Variants in HSDL1 observed in about 807,000 individuals in gnomAD.
HSDL1 encodes hydroxysteroid dehydrogenase like 1.
A neutral mutation model predicts 31.5 loss-of-function variants in HSDL1; 29 were observed. The observed-to-expected ratio is 0.92, with a 90% confidence interval of 0.69 to 1.26. The LOEUF is 1.26. Ranked by LOEUF, HSDL1 falls within the 50% of genes most tolerant of loss-of-function variation. The probability of loss-of-function intolerance (pLI) is 0.00; values close to 1 mark genes in which losing one functional copy is unlikely to be tolerated. For missense variants in HSDL1, 503 were observed against 416.6 expected, an observed-to-expected ratio of 1.21 and a Z score of -1.81; for synonymous variants, 222 against 155.2, an observed-to-expected ratio of 1.43 and a Z score of -3.20.
chr16:84,130,154 G>T lies in HSDL1; in HGVS notation c.498C>A (p.Ser166=), dbSNP rs758933678. The T allele has an allele frequency of 6.2e-7, 1 of 1,614,106 alleles. No homozygotes were observed. The highest frequency in any genetic ancestry group is 1.7e-5 in the Admixed American group (1 of 60,014). Residue 166 remains serine, a synonymous_variant, in exon 4 of 6, where the codon TCC becomes TCA. Coordinates refer to ENST00000219439, the MANE Select transcript of HSDL1 (RefSeq NM_031463.5). The part of the protein sequence containing the change: ...YPYPQYFTQL[S]EDKLWDIINV... Reference sequence around the variant, plus strand: ...TTATGATGTCCCAGAGCTTGTCCTCGGACAGCTGAGTGAAATACTGCGGGT... The same window carrying T: ...TTATGATGTCCCAGAGCTTGTCCTCTGACAGCTGAGTGAAATACTGCGGGT...
chr16:84,128,473 A>C (rs2086630330), intron 5 of HSDL1, among the ~76,000 whole-genome samples: 1 of 152,174 alleles, frequency 6.6e-6, no homozygotes, highest in Non-Finnish European at 1.5e-5. Flanking sequence ...CCTAAACAAT[A>C]AGCTTAAAAT....
intron 3 of HSDL1, among the ~76,000 whole-genome samples, chr16:84,130,734 T>C (rs1015546067): frequency 6.6e-6 from 1 of 151,768 alleles, no homozygotes; most frequent in East Asian, 1.9e-4. Flanking sequence ...TGGCAGGAGG[T>C]GCTTTTCTGG....
At position 84,129,991 on chromosome 16, in the gene HSDL1, A is replaced by C. The variant is rs1462707290; in HGVS notation, c.661T>G (p.Ser221Ala). 6.2e-7 allele frequency: 1 copy of C among 1,612,556 alleles called. No individual in the cohort carries two copies. ...TCCAGTAAGTAACATCTGACCTTAG[A>C]AGCAGAAAATGCAGCCAGCTGAGGA... is the stretch of plus-strand genomic sequence containing the variant. ...PTPQLAAFSA[S>A]KAYLDHFSRA... Residue 221 changes from serine (S) to alanine (A), a missense_variant, in exon 4 of 6, where the codon TCT becomes GCT. Transcript: ENST00000219439.
At chr16:84,139,660 G>A (rs2086747031) in intron 1 of HSDL1, among the ~76,000 whole-genome samples, 1 of 152,180 alleles carries the variant, frequency 6.6e-6, no homozygotes, top group African/African-American at 2.4e-5. Context: ...ACAGTGGGAG[G>A]AAGGGATGGA....
intron 1 of HSDL1, among the ~76,000 whole-genome samples, chr16:84,136,907 T>C (rs1412634292): frequency 1.3e-5 from 2 of 152,122 alleles, no homozygotes; most frequent in African/African-American, 4.8e-5. Flanking sequence ...GAAATCTGAC[T>C]CACATCCACA....
intron 5 of HSDL1, among the ~76,000 whole-genome samples, chr16:84,125,413 T>C (rs2086596382): frequency 7.1e-6 from 1 of 140,750 alleles, no homozygotes; most frequent in South Asian, 2.2e-4. Flanking sequence ...CCAATCACAT[T>C]ACCCACCAAT....
At chr16:84,142,592 T>A (rs2086778547) in intron 1 of HSDL1, among the ~76,000 whole-genome samples, 12 of 151,994 alleles carry the variant, frequency 7.9e-5, no homozygotes, top group Admixed American at 7.2e-4. Flanking sequence ...TGTGCCACCA[T>A]GCCTGGCTAA....
chr16:84,123,512 T>C lies in HSDL1; in HGVS notation c.*1118A>G, dbSNP rs1202675584. On this transcript the variant is annotated 3_prime_UTR_variant, in exon 6 of 6. Coordinates refer to ENST00000219439, the MANE Select transcript of HSDL1 (RefSeq NM_031463.5). ...CGTATTGTGAGGGTTTGTGCATAAT[T>C]ATCTTCACACCAGTAAAGGTATTCA... 3.3e-5 allele frequency: 5 copies of C among 152,238 alleles called. No homozygotes were observed. Among genetic ancestry groups the C allele is most frequent in the African/African-American group, 1.2e-4 (5 of 41,450 alleles). 9.4% of individuals were successfully genotyped at this position (152,238 alleles called of 1,614,324 possible).
chr16:84,143,952 T>C (rs888422501), intron 1 of HSDL1, among the ~76,000 whole-genome samples: 1 of 151,050 alleles, frequency 6.6e-6, no homozygotes, highest in African/African-American at 2.4e-5. Context: ...CGGGCAGAGG[T>C]AGCAGGAGCT....
chr16:84,130,900 G>A (rs890269659), intron 3 of HSDL1: 2 of 579,516 alleles, frequency 3.5e-6, no homozygotes, highest in Non-Finnish European at 6.1e-6. Flanking sequence ...GAGCAGAATA[G>A]GAAGGATACC....
At chr16:84,125,446 A>G (rs1463423625) in intron 5 of HSDL1, among the ~76,000 whole-genome samples, 1 of 148,490 alleles carries the variant, frequency 6.7e-6, no homozygotes, top group Non-Finnish European at 1.5e-5. Context: ...ATACCCACCA[A>G]TCACAATACC....
intron 1 of HSDL1, among the ~76,000 whole-genome samples, 160 bp downstream of exon 1, chr16:84,144,920 G>A (rs541165208): frequency 6.6e-6 from 1 of 151,974 alleles, no homozygotes; most frequent in African/African-American, 2.4e-5. Context: ...GCGCCAAGGG[G>A]CTTCGGGGCC....
intron 2 of HSDL1, among the ~76,000 whole-genome samples, chr16:84,135,087 G>A (rs112611089): frequency 1.3e-5 from 2 of 152,056 alleles, no homozygotes; most frequent in Non-Finnish European, 2.9e-5. Flanking sequence ...CAAAAAATTA[G>A]CAGGGCGTGG....
chr16:84,127,083 TC>T (rs1009893047), intron 5 of HSDL1, among the ~76,000 whole-genome samples: 3 of 152,150 alleles, frequency 2.0e-5, no homozygotes, highest in African/African-American at 7.2e-5. Context: ...CTAAACCTGA[TC>T]CTCATATCTT....
Position 84,124,645 on chromosome 16 carries a change from T to A in HSDL1, c.978A>T (p.Leu326Phe), listed in dbSNP as rs1597370052. Residue 326 changes from leucine to phenylalanine, a missense_variant, in exon 6 of 6, where the codon TTA (leucine) becomes TTT (phenylalanine). Coordinates refer to ENST00000219439, the MANE Select transcript of HSDL1 (RefSeq NM_031463.5). ...ILNRSLRKEA[L>F]SCTA ...CCATCCAGACTCAGGCTGTGCAGGA[T>A]AAGGCTTCCTTACGTAGTGAACGGT... 6.2e-7 allele frequency: 1 copy of A among 1,612,990 alleles called. No homozygotes were observed.
chr16:84,125,553 A>G (rs1026761145), intron 5 of HSDL1, among the ~76,000 whole-genome samples: 16 of 151,564 alleles, frequency 1.1e-4, no homozygotes, highest in African/African-American at 3.6e-4. Context: ...AATACCCACC[A>G]ATCAATCACA....
intron 1 of HSDL1, among the ~76,000 whole-genome samples, chr16:84,144,652 G>A (rs1386092663): frequency 6.6e-6 from 1 of 152,186 alleles, no homozygotes; most frequent in African/African-American, 2.4e-5. Context: ...GGAGGCGATT[G>A]CTGGGGCCGC....
chr16:84,138,720 C>T (rs912812649), intron 1 of HSDL1, among the ~76,000 whole-genome samples: 2 of 152,092 alleles, frequency 1.3e-5, no homozygotes, highest in African/African-American at 4.8e-5. Context: ...ACAACTGTCC[C>T]CAAACTAGGA....
intron 2 of HSDL1, among the ~76,000 whole-genome samples, 156 bp from the exon 3 acceptor site, chr16:84,131,483 GTCTATCTATCTATCTATCTA>G (rs36192181): frequency 1.7e-4 from 24 of 144,240 alleles, no homozygotes; most frequent in African/African-American, 2.4e-4. Context: ...CACAGTTTCA[GTCTATCTATCTATCTATCTA>G]TCTATCTATC....
Sources: gnomAD v4.1 joint callset for allele counts (sites outside exome capture counted in the v4.1 genomes callset) on GRCh38, gnomAD v4.1.1 for gene constraint, MANE v1.5 for transcripts, NCBI Gene and HGNC (gene_info 2026-07-23, HGNC 2026-07-21) for gene names.